FSIP2: variants seen among roughly 807,000 people sequenced by gnomAD.
The protein encoded by FSIP2 is fibrous sheath interacting protein 2.
FSIP2 carries 367 observed loss-of-function variants against 510.5 expected under a neutral mutation model. The ratio of observed to expected loss-of-function variants is 0.72; its 90% CI spans 0.66 to 0.78. FSIP2 has a LOEUF of 0.78. Among genes scored for constraint, FSIP2 ranks in the 30% least tolerant of loss-of-function variants. The probability of loss-of-function intolerance (pLI) is 0.00; values close to 1 mark genes in which losing one functional copy is unlikely to be tolerated. For synonymous variants in FSIP2, 2,601 were observed against 2,732.2 expected (o/e 0.95, Z 1.50); for missense variants, 7,594 against 7,901.7 (o/e 0.96, Z 1.48).
intron 20 of FSIP2, among the ~76,000 whole-genome samples, chr2:185,825,760 T>C (rs1694003934): frequency 6.6e-6 from 1 of 151,864 alleles, no homozygotes; most frequent in South Asian, 2.1e-4. Context: ...GTTTTCTTTG[T>C]ATCCTGAGAT....
In FSIP2 at chr2:185,800,607, A is replaced by C; in HGVS notation, c.11301A>C (p.Glu3767Asp). 3 of 1,532,244 alleles carry C rather than the reference A, an allele frequency of 2.0e-6. No homozygotes were observed. The highest frequency in any genetic ancestry group is 2.6e-6 in the Non-Finnish European group (3 of 1,145,144). 94.9% of individuals were successfully genotyped at this position (1,532,244 alleles called of 1,614,324 possible). The change falls in exon 17 of 23, where the codon GAA (glutamate) becomes GAC (aspartate). Residue 3767 changes from glutamate (E) to aspartate (D), a missense_variant. Glu to Asp is a conservative substitution (Grantham distance 45, BLOSUM62 2). Coordinates refer to ENST00000424728, the MANE Select transcript of FSIP2 (RefSeq NM_173651.4). ...AACTTATCAGAATACTTTTGGAAGA[A>C]TGCACAAGCACTGCTTTTCCTGATA... is the stretch of plus-strand genomic sequence containing the variant. ...CEKLIRILLE[E>D]CTSTAFPDKG...
chr2:185,821,941 A>C lies in FSIP2; in HGVS notation c.20427-2493A>C, dbSNP rs1366984501. 2.6e-5 allele frequency among the ~76,000 whole-genome samples: 4 copies of C among 151,866 alleles called. No individual in the cohort carries two copies. The East Asian group carries it at 7.8e-4, about 30-fold the overall frequency. On this transcript the variant is annotated intron_variant, in intron 19 of 22. Transcript: ENST00000424728. ...ACCCTATCTCAAAAAAAAAAAAAAA[A>C]AATCGATGTAATACATCACATTAAC...
At position 185,808,596 on chromosome 2, in the gene FSIP2, G is replaced by A. The variant is rs1353697049; in HGVS notation, c.19290G>A (p.Leu6430=). 1.2e-6 allele frequency: 2 copies of A among 1,607,744 alleles called. No individual in the cohort carries two copies. Among genetic ancestry groups the A allele is most frequent in the African/African-American group, 1.3e-5 (1 of 74,544 alleles). ...QVVDSVYSNI[L]QQSGTNKEFY... is the part of the protein sequence containing the mutation. ...TCGATTCCGTTTATAGTAACATACT[G>A]CAACAATCAGGAACCAACAAAGAAT... is the stretch of plus-strand genomic sequence containing the variant. The change falls in exon 17 of 23, where the codon CTG becomes CTA. Residue 6430 remains leucine, a synonymous_variant. Transcript: ENST00000424728.
intron 19 of FSIP2, among the ~76,000 whole-genome samples, chr2:185,822,534 C>A (rs1474977084): frequency 6.6e-6 from 1 of 151,680 alleles, no homozygotes; most frequent in Non-Finnish European, 1.5e-5. Context: ...TTGTCAGCTA[C>A]AAAATATTGC....
At chr2:185,746,288 GT>G (rs34161042) in intron 5 of FSIP2, among the ~76,000 whole-genome samples, 81,166 of 149,112 alleles carry the variant, frequency 0.54, 22,037 homozygotes, top group South Asian at 0.65. Context: ...CAAATGGACT[GT>G]TTTTTTTTTT....
rs1020687943 is a variant in FSIP2 at position 185,743,859 on chromosome 2, G to C, written c.388-463G>C. Among the ~76,000 whole-genome samples, 3 of 152,142 alleles carry C rather than the reference G, an allele frequency of 2.0e-5. No individual in the cohort carries two copies. In the East Asian group the frequency reaches 5.8e-4, roughly 29 times the overall value. ...AATATGTATATATTTTTTAGAGACA[G>C]GTTCTCACTTTGTTGCCTACACAGG... On this transcript the variant is annotated intron_variant, in intron 3 of 22. Transcript: ENST00000424728.
chr2:185,772,479 G>A (rs1263242566), intron 13 of FSIP2, among the ~76,000 whole-genome samples: 4 of 152,146 alleles, frequency 2.6e-5, no homozygotes, highest in African/African-American at 9.7e-5. Context: ...GGCAGAAGGT[G>A]AAGTAGGGGA....
In FSIP2 at chr2:185,795,957, A is replaced by G. The variant is rs761678499; in HGVS notation, c.8821A>G (p.Ser2941Gly). 3.7e-5 allele frequency: 57 copies of G among 1,534,800 alleles called. No individual in the cohort carries two copies. The South Asian group carries it at 6.3e-4, about 17-fold the overall frequency. Reference protein sequence around the residue: ...CFLSQIPTPDSEETLSNSKEH... With the variant: ...CFLSQIPTPDGEETLSNSKEH... ...TCTGTCCCAAATTCCCACTCCAGAT[A>G]GTGAAGAAACTCTATCAAACAGTAA... Residue 2941 changes from serine (S) to glycine (G), a missense_variant, in exon 16 of 23, where the codon AGT becomes GGT. Physicochemically the swap from Ser to Gly is moderately conservative, Grantham distance 56 (BLOSUM62 0). Transcript: ENST00000424728.
At chr2:185,824,531 G>A (rs1459038381) in intron 20 of FSIP2, 51 bp downstream of exon 20, 3 of 903,628 alleles carry the variant, frequency 3.3e-6, no homozygotes, top group African/African-American at 1.8e-5. Flanking sequence ...ACTTTGATGT[G>A]TTTTTTTTTT....
At position 185,793,063 on chromosome 2, in the gene FSIP2, T is replaced by G. The variant is rs558245507; in HGVS notation, c.5927T>G (p.Phe1976Cys). ...AAAGATTCATATTCTGATGAGCAAT[T>G]TTCCTGTTGCTCAGTAGATCATACC... ...SAKDSYSDEQ[F>C]SCCSVDHTKS... The change falls in exon 16 of 23, where the codon TTT (phenylalanine) becomes TGT (cysteine). Residue 1976 changes from phenylalanine to cysteine, a missense_variant. Phe to Cys is a radical substitution (Grantham distance 205, BLOSUM62 -2). Transcript: ENST00000424728. 73 of 1,534,242 alleles carry G rather than the reference T, an allele frequency of 4.8e-5. No homozygotes were observed. In the East Asian group the frequency reaches 1.8e-3, roughly 37 times the overall value.
chr2:185,761,371 A>G (rs1336934885), intron 10 of FSIP2, among the ~76,000 whole-genome samples: 1 of 151,154 alleles, frequency 6.6e-6, no homozygotes, highest in Non-Finnish European at 1.5e-5. Flanking sequence ...AGCATATACT[A>G]TTGACTAGGT....
chr2:185,769,139 G>C (rs1234193018), intron 13 of FSIP2, among the ~76,000 whole-genome samples: 4 of 152,088 alleles, frequency 2.6e-5, no homozygotes, highest in Non-Finnish European at 5.9e-5. Context: ...TGGTTCCTTT[G>C]GGTATATAGC....
chr2:185,793,064 T>A lies in FSIP2; in HGVS notation c.5928T>A (p.Phe1976Leu), dbSNP rs1220384339. Residue 1976 changes from phenylalanine (F) to leucine (L), a missense_variant, in exon 16 of 23, where the codon TTT (phenylalanine) becomes TTA (leucine). Coordinates refer to ENST00000424728, the MANE Select transcript of FSIP2 (RefSeq NM_173651.4). ...SAKDSYSDEQ[F>L]SCCSVDHTKS... Reference sequence around the variant, plus strand: ...AAGATTCATATTCTGATGAGCAATTTTCCTGTTGCTCAGTAGATCATACCA... The same window carrying A: ...AAGATTCATATTCTGATGAGCAATTATCCTGTTGCTCAGTAGATCATACCA... The A allele has an allele frequency of 1.3e-6, 2 of 1,534,286 alleles. No homozygotes were observed. The highest frequency in any genetic ancestry group is 4.9e-5 in the East Asian group (2 of 40,848).
Position 185,802,950 on chromosome 2 carries a change from T to G in FSIP2, c.13644T>G (p.Phe4548Leu). Reference protein sequence around the residue: ...DDIQHLVDSVFANVVQTSGSQ... With the variant: ...DDIQHLVDSVLANVVQTSGSQ... ...TTCAGCACCTTGTTGATTCAGTATTTGCAAATGTTGTGCAAACCTCTGGTT... is the reference window on the plus strand; with the variant it reads ...TTCAGCACCTTGTTGATTCAGTATTGGCAAATGTTGTGCAAACCTCTGGTT... Residue 4548 changes from phenylalanine (F) to leucine (L), a missense_variant, in exon 17 of 23, where the codon TTT becomes TTG. By Grantham distance (22) the Phe-to-Leu change is conservative. Coordinates refer to ENST00000424728, the MANE Select transcript of FSIP2 (RefSeq NM_173651.4). The G allele has an allele frequency of 7.2e-6, 11 of 1,524,018 alleles. No individual in the cohort carries two copies. The highest frequency in any genetic ancestry group is 8.8e-6 in the Non-Finnish European group (10 of 1,142,142). The allele number at this position is 1,524,018 out of a possible 1,614,324, so 94.4% of individuals were successfully genotyped here.
Position 185,797,216 on chromosome 2 carries a change from C to T in FSIP2, c.10080C>T (p.Phe3360=). ...ACAGGGAAATAATGAAACCATTTTT[C>T]ATATCAAAACAAAGCTCTTTATCTG... The part of the protein sequence containing the change: ...NENREIMKPF[F]ISKQSSLSEV... Residue 3360 remains phenylalanine (F), a synonymous_variant, in exon 16 of 23, where the codon TTC becomes TTT. Transcript: ENST00000424728. 6.5e-7 allele frequency: 1 copy of T among 1,534,908 alleles called. No individual in the cohort carries two copies. Among genetic ancestry groups the T allele is most frequent in the Non-Finnish European group, 8.7e-7 (1 of 1,146,218 alleles).
At chr2:185,775,943 G>A (rs192039402) in intron 13 of FSIP2, among the ~76,000 whole-genome samples, 93 of 152,282 alleles carry the variant, frequency 6.1e-4, no homozygotes, top group East Asian at 1.4e-3. Flanking sequence ...GATTACAGGC[G>A]TGAGCCATCG....
chr2:185,780,470 T>G (rs1264597827), intron 13 of FSIP2, among the ~76,000 whole-genome samples: 1 of 151,562 alleles, frequency 6.6e-6, no homozygotes, highest in East Asian at 1.9e-4. Context: ...AAAATTGAAC[T>G]ATGGTATATT....
chr2:185,831,661 C>T (rs1474120082), intron 21 of FSIP2, 152 bp from the exon 22 acceptor site: 3 of 595,544 alleles, frequency 5.0e-6, no homozygotes, highest in East Asian at 5.7e-5. Context: ...TCTTACTGAA[C>T]AATTCTTTGA....
chr2:185,791,015 G>A lies in FSIP2; in HGVS notation c.3879G>A (p.Lys1293=). 2 of 1,530,714 alleles carry A rather than the reference G, an allele frequency of 1.3e-6. No individual in the cohort carries two copies. Among genetic ancestry groups the A allele is most frequent in the African/African-American group, 1.4e-5 (1 of 72,828 alleles). 94.8% of individuals were successfully genotyped at this position (1,530,714 alleles called of 1,614,324 possible). The change falls in exon 16 of 23, where the codon AAG becomes AAA. Residue 1293 remains lysine (K), a synonymous_variant. Transcript: ENST00000424728. ...FKSSLRSQLS[K]YTAKIVNIVL... ...CTTCATTACGATCTCAACTTAGTAAGTACACAGCTAAAATAGTAAACATTG... is the reference window on the plus strand; with the variant it reads ...CTTCATTACGATCTCAACTTAGTAAATACACAGCTAAAATAGTAAACATTG...
Sources: allele counts gnomAD v4.1 joint callset (sites outside exome capture counted in the v4.1 genomes callset), GRCh38; gene constraint gnomAD v4.1.1; transcripts MANE v1.5; gene names NCBI Gene and HGNC (gene_info 2026-07-23, HGNC 2026-07-21).